Variants in MTHFD2 observed in about 807,000 individuals in gnomAD.
MTHFD2 encodes bifunctional methylenetetrahydrofolate dehydrogenase/cyclohydrolase, mitochondrial.
MTHFD2 carries 26 observed loss-of-function variants against 36.8 expected under a neutral mutation model. The observed-to-expected ratio is 0.71, with a 90% CI of 0.52 to 0.98. The LOEUF (loss-of-function observed/expected upper bound fraction) is 0.98. MTHFD2 is among the 50% of genes least tolerant of loss of function. The pLI is 0.00. For missense variants in MTHFD2, 373 were observed against 434.0 expected, an observed-to-expected ratio of 0.86 and a Z score of 1.25; for synonymous variants, 164 against 155.2, an observed-to-expected ratio of 1.06 and a Z score of -0.42.
Position 74,214,397 on chromosome 2 carries a change from C to A in MTHFD2, c.*155C>A. On this transcript the variant is annotated 3_prime_UTR_variant, in exon 8 of 8. Coordinates refer to ENST00000394053, the MANE Select transcript of MTHFD2 (RefSeq NM_006636.4). ...GCTTAAATGGGTGGGTGTTTCTGCA[C>A]ATACCTCTGCAGTACCTCACCAGGG... The A allele has an allele frequency of 1.3e-6, 1 of 743,298 alleles. No individual in the cohort carries two copies. Among genetic ancestry groups the A allele is most frequent in the Non-Finnish European group, 2.1e-6 (1 of 481,676 alleles). 46.0% of individuals were successfully genotyped at this position (743,298 alleles called of 1,614,324 possible).
intron 7 of MTHFD2, among the ~76,000 whole-genome samples, chr2:74,212,123 C>T (rs1306787313): frequency 2.0e-5 from 3 of 150,428 alleles, no homozygotes; most frequent in Middle Eastern, 3.4e-3. Context: ...TGAGCCACTG[C>T]GCCCAGTCAG....
Position 74,205,002 on chromosome 2 carries a change from T to A in MTHFD2, c.102-703T>A, listed in dbSNP as rs185896356. Among the ~76,000 whole-genome samples the A allele has an allele frequency of 3.1e-4, 47 of 152,248 alleles. 1 individual carries two copies. The East Asian group carries it at 8.7e-3, about 28-fold the overall frequency. On this transcript the variant is annotated intron_variant, in intron 1 of 7. Coordinates refer to ENST00000394053, the MANE Select transcript of MTHFD2 (RefSeq NM_006636.4). ...CACTACGCCCAGCTAATTTTTGTATTTTTAGTAGAGACAGGGTTTCATGTG... is the reference window on the plus strand; with the variant it reads ...CACTACGCCCAGCTAATTTTTGTATATTTAGTAGAGACAGGGTTTCATGTG...
chr2:74,209,602 G>C (rs748356320), intron 4 of MTHFD2, among the ~76,000 whole-genome samples: 2 of 151,788 alleles, frequency 1.3e-5, no homozygotes, highest in Non-Finnish European at 2.9e-5. Flanking sequence ...TCATCATGCT[G>C]CCCAGGCTGG....
chr2:74,213,213 A>G (rs1238515624), intron 7 of MTHFD2, among the ~76,000 whole-genome samples: 4 of 146,984 alleles, frequency 2.7e-5, no homozygotes, highest in African/African-American at 1.0e-4. Flanking sequence ...CTCTCCTTTC[A>G]GTTCTTAAGA....
Position 74,209,955 on chromosome 2 carries a change from A to G in MTHFD2, c.576A>G (p.Leu192=). 3 of 1,612,826 alleles carry G rather than the reference A, an allele frequency of 1.9e-6. No individual in the cohort carries two copies. Among genetic ancestry groups the G allele is most frequent in the Middle Eastern group, 1.7e-4 (1 of 6,060 alleles). ...ATATTTTTATAGGCATTCCAACCCTAGGGAAGAATGTGGTTGTGGCTGGAA... is the reference window on the plus strand; with the variant it reads ...ATATTTTTATAGGCATTCCAACCCTGGGGAAGAATGTGGTTGTGGCTGGAA... ...EIIKRTGIPT[L]GKNVVVAGRS... is the part of the protein sequence containing the mutation. Residue 192 remains leucine (L), a synonymous_variant, in exon 5 of 8, where the codon CTA becomes CTG. Transcript: ENST00000394053.
chr2:74,208,491 C>A (rs777870168), intron 3 of MTHFD2, 78 bp from the exon 4 acceptor site: 6 of 1,479,280 alleles, frequency 4.1e-6, no homozygotes, highest in Admixed American at 1.9e-5. Flanking sequence ...GATTTCCTTG[C>A]GAAGCAGATA....
At position 74,211,267 on chromosome 2, in the gene MTHFD2, G is replaced by T; in HGVS notation, c.739G>T (p.Ala247Ser). ...GCAGTTGAAGAAACATACAATTCTT[G>T]CAGATATTGTAATATCTGCTGCAGG... ...KEQLKKHTIL[A>S]DIVISAAGIP... Residue 247 changes from alanine (A) to serine (S), a missense_variant, in exon 6 of 8, where the codon GCA becomes TCA. Physicochemically the swap from Ala to Ser is moderately conservative, Grantham distance 99. Coordinates refer to ENST00000394053, the MANE Select transcript of MTHFD2 (RefSeq NM_006636.4). The T allele has an allele frequency of 6.2e-7, 1 of 1,606,118 alleles. No homozygotes were observed. Among genetic ancestry groups the T allele is most frequent in the Non-Finnish European group, 8.5e-7 (1 of 1,174,074 alleles).
chr2:74,215,908 C>G lies in MTHFD2; in HGVS notation c.*1666C>G, dbSNP rs1654156793. 6.6e-6 allele frequency: 1 copy of G among 152,436 alleles called. No homozygotes were observed. Among genetic ancestry groups the G allele is most frequent in the Non-Finnish European group, 1.5e-5 (1 of 68,208 alleles). 9.4% of individuals were successfully genotyped at this position (152,436 alleles called of 1,614,324 possible). On this transcript the variant is annotated 3_prime_UTR_variant, in exon 8 of 8. Transcript: ENST00000394053. The stretch of plus-strand genomic sequence containing the variant: ...ACAGGCGTGAGCCACTGCACCTGGC[C>G]TGTCCTACAGTCTTATATCACAACA...
At chr2:74,205,032 C>T (rs926261318) in intron 1 of MTHFD2, among the ~76,000 whole-genome samples, 2 of 152,076 alleles carry the variant, frequency 1.3e-5, no homozygotes, top group African/African-American at 4.8e-5. Context: ...CATGTGTTGG[C>T]CAGGCTGGTC....
intron 7 of MTHFD2, among the ~76,000 whole-genome samples, chr2:74,212,529 A>C (rs1694332568): frequency 6.6e-6 from 1 of 151,806 alleles, no homozygotes; most frequent in Non-Finnish European, 1.5e-5. Context: ...TGGCCTCCCA[A>C]AGTGCCGGGA....
chr2:74,202,713 A>G (rs1207332546), intron 1 of MTHFD2, among the ~76,000 whole-genome samples: 1 of 151,320 alleles, frequency 6.6e-6, no homozygotes, highest in Non-Finnish European at 1.5e-5. Flanking sequence ...TTTTTAGTAG[A>G]GACGGGGTTT....
chr2:74,210,992 G>A (rs1694292534), intron 5 of MTHFD2, among the ~76,000 whole-genome samples: 1 of 152,118 alleles, frequency 6.6e-6, no homozygotes, highest in Admixed American at 6.6e-5. Flanking sequence ...TCACCATGTT[G>A]GCCAGGTTGG....
intron 5 of MTHFD2, 114 bp from the exon 6 acceptor site, chr2:74,211,085 G>A (rs999394397): frequency 6.7e-5 from 47 of 702,466 alleles, no homozygotes; most frequent in Non-Finnish European, 9.5e-5. Flanking sequence ...GCACCTGGCC[G>A]TAAGTCAATT....
rs897299197 is a variant in MTHFD2 at position 74,202,630 on chromosome 2, G to A, written c.102-3075G>A. Reference sequence around the variant, plus strand: ...CAACCTCTGCCTCCCGGGTTCAATCGATTCTCCTGCCTCAGCCTCCCAAGT... The same window carrying A: ...CAACCTCTGCCTCCCGGGTTCAATCAATTCTCCTGCCTCAGCCTCCCAAGT... On this transcript the variant is annotated intron_variant, in intron 1 of 7. Transcript: ENST00000394053. Among the ~76,000 whole-genome samples, 5 of 151,978 alleles carry A rather than the reference G, an allele frequency of 3.3e-5. 1 individual carries two copies. The highest frequency in any genetic ancestry group is 2.4e-5 in the African/African-American group (1 of 41,460).
In MTHFD2 at chr2:74,211,729, C is replaced by T. The variant is rs562946725; in HGVS notation, c.764-12C>T. On this transcript the variant is annotated splice_polypyrimidine_tract_variant and intron_variant, in intron 6 of 7. Transcript: ENST00000394053. ...TCAGTACTAAGTTGATCTTTCCTTT[C>T]TCCATTTCCAGGTATTCCAAATCTG... 33 of 1,601,098 alleles carry T rather than the reference C, an allele frequency of 2.1e-5. No homozygotes were observed. Among genetic ancestry groups the T allele is most frequent in the African/African-American group, 2.7e-5 (2 of 74,516 alleles).
At chr2:74,211,080 T>C in intron 5 of MTHFD2, 119 bp from the exon 6 acceptor site, 2 of 666,932 alleles carry the variant, frequency 3.0e-6, no homozygotes, top group South Asian at 1.8e-5. Context: ...CCACTGCACC[T>C]GGCCGTAAGT....
At chr2:74,211,012 C>T (rs1167106794) in intron 5 of MTHFD2, among the ~76,000 whole-genome samples, 187 bp from the exon 6 acceptor site, 1 of 152,200 alleles carries the variant, frequency 6.6e-6, no homozygotes, top group Non-Finnish European at 1.5e-5. Flanking sequence ...GCCTCGAACT[C>T]CTGACCTGGT....
intron 7 of MTHFD2, among the ~76,000 whole-genome samples, chr2:74,213,355 CA>C: frequency 7.4e-6 from 1 of 134,964 alleles, no homozygotes; most frequent in South Asian, 2.2e-4. Context: ...CAGCTTACTG[CA>C]ACCTCTGCCT....
chr2:74,206,833 C>T (rs1055098165), intron 2 of MTHFD2, among the ~76,000 whole-genome samples: 2 of 152,114 alleles, frequency 1.3e-5, no homozygotes, highest in African/African-American at 4.8e-5. Context: ...CTCAGCCTAC[C>T]GAGTAGCTGG....
Sources: gnomAD v4.1 joint callset for allele counts (sites outside exome capture counted in the v4.1 genomes callset) on GRCh38, gnomAD v4.1.1 for gene constraint, MANE v1.5 for transcripts, NCBI Gene and HGNC (gene_info 2026-07-23, HGNC 2026-07-21) for gene names.